PRKG1: variants seen among roughly 807,000 people sequenced by gnomAD.
PRKG1 encodes cGMP-dependent protein kinase 1.
PRKG1 carries 35 observed loss-of-function variants against 88.1 expected under a neutral mutation model. The ratio of observed to expected loss-of-function variants is 0.40; its 90% CI spans 0.30 to 0.53. PRKG1 has a LOEUF of 0.53. PRKG1 is among the 20% of genes least tolerant of loss of function. PRKG1 has a pLI of 0.59. For missense variants in PRKG1, 540 were observed against 839.8 expected, an observed-to-expected ratio of 0.64 and a Z score of 4.41; for synonymous variants, 303 against 292.5, an observed-to-expected ratio of 1.04 and a Z score of -0.37.
At chr10:51,484,313 A>G (rs1482455555) in intron 3 of PRKG1, among the ~76,000 whole-genome samples, 1 of 152,182 alleles carries the variant, frequency 6.6e-6, no homozygotes, top group East Asian at 1.9e-4. Context: ...ACTAAAGGCC[A>G]TCGACTTTCT....
intron 3 of PRKG1, among the ~76,000 whole-genome samples, chr10:51,533,657 TTCC>T (rs1284555056): frequency 5.3e-5 from 8 of 151,432 alleles, no homozygotes; most frequent in Admixed American, 2.6e-4. Context: ...CATTTACCAC[TTCC>T]TCAAACAAAC....
chr10:51,572,858 ACT>A (rs1477240935), intron 3 of PRKG1, among the ~76,000 whole-genome samples: 1 of 151,600 alleles, frequency 6.6e-6, no homozygotes, highest in East Asian at 1.9e-4. Context: ...TCAAAGTTTT[ACT>A]CTTTAGAATT....
chr10:51,500,362 C>A (rs1840987603), intron 3 of PRKG1, among the ~76,000 whole-genome samples: 1 of 152,162 alleles, frequency 6.6e-6, no homozygotes, highest in African/African-American at 2.4e-5. Flanking sequence ...TTAAAATCTC[C>A]TGCTACCACC....
intron 8 of PRKG1, among the ~76,000 whole-genome samples, chr10:52,144,855 C>G (rs1837689263): frequency 6.6e-6 from 1 of 151,792 alleles, no homozygotes; most frequent in Admixed American, 6.6e-5. Flanking sequence ...AAACTTTAGT[C>G]TAAAGTAGAT....
intron 4 of PRKG1, among the ~76,000 whole-genome samples, chr10:51,811,169 G>A (rs770898569): frequency 6.6e-5 from 10 of 152,102 alleles, no homozygotes; most frequent in Non-Finnish European, 1.5e-4. Flanking sequence ...TTTGTTTTCT[G>A]ATGGCAGCTC....
chr10:51,026,531 C>T (rs1688490916), intron 1 of PRKG1, among the ~76,000 whole-genome samples: 1 of 152,178 alleles, frequency 6.6e-6, no homozygotes, highest in African/African-American at 2.4e-5. Context: ...TGCCAATCAG[C>T]CATCCTAGTT....
intron 3 of PRKG1, among the ~76,000 whole-genome samples, chr10:51,593,052 C>G (rs921597962): frequency 6.6e-6 from 1 of 152,136 alleles, no homozygotes; most frequent in African/African-American, 2.4e-5. Flanking sequence ...ATCAGATTAG[C>G]GTTTTGTACT....
intron 2 of PRKG1, among the ~76,000 whole-genome samples, chr10:51,307,710 G>A (rs1302507836): frequency 6.6e-6 from 1 of 151,984 alleles, no homozygotes; most frequent in Admixed American, 6.6e-5. Context: ...TAGCTCTGAT[G>A]AACATAAAAC....
intron 3 of PRKG1, among the ~76,000 whole-genome samples, chr10:51,743,725 TA>T (rs1197199617): frequency 0.064 from 3,296 of 51,856 alleles, 162 homozygotes; most frequent in Middle Eastern, 0.1. Context: ...TATATATATA[TA>T]ATATAAACTA....
intron 4 of PRKG1, among the ~76,000 whole-genome samples, chr10:51,809,621 G>A (rs12248420): frequency 0.14 from 21,755 of 152,076 alleles, 2,113 homozygotes; most frequent in African/African-American, 0.28. Flanking sequence ...GACAATGATA[G>A]TGGTGGACCC....
intron 3 of PRKG1, chr10:51,697,973 CCTCCTTGTATGCCTG>C (rs1266837995): frequency 6.2e-7 from 1 of 1,604,364 alleles, no homozygotes; most frequent in Non-Finnish European, 8.5e-7. Flanking sequence ...CTGCATCCCT[CCTCCTTGTATGCCTG>C]CTCCCTGCAT....
intron 7 of PRKG1, among the ~76,000 whole-genome samples, chr10:52,113,943 T>C (rs1847627111): frequency 6.6e-6 from 1 of 152,142 alleles, no homozygotes; most frequent in Non-Finnish European, 1.5e-5. Flanking sequence ...TAATTAGCTT[T>C]AGTGTAGATT....
At chr10:51,704,048 G>A (rs1841539131) in intron 3 of PRKG1, among the ~76,000 whole-genome samples, 1 of 151,106 alleles carries the variant, frequency 6.6e-6, no homozygotes, top group South Asian at 2.1e-4. Context: ...GGAGGCCAAG[G>A]TTTGAGGATT....
At chr10:51,168,785 G>C (rs1046098070) in intron 2 of PRKG1, among the ~76,000 whole-genome samples, 13 of 152,292 alleles carry the variant, frequency 8.5e-5, no homozygotes, top group African/African-American at 3.1e-4. Context: ...ATTAGAAGCA[G>C]AAAAATTTCT....
At chr10:51,780,504 C>T (rs978906358) in intron 3 of PRKG1, among the ~76,000 whole-genome samples, 16 of 152,226 alleles carry the variant, frequency 1.1e-4, no homozygotes, top group African/African-American at 3.4e-4. Context: ...AAAATACATG[C>T]TCATGTACAT....
chr10:51,909,500 T>TA, intron 5 of PRKG1: 1 of 151,830 alleles, frequency 6.6e-6, no homozygotes, highest in African/African-American at 2.4e-5. Flanking sequence ...TACGAAGACA[T>TA]ATGAGCACAA....
At chr10:51,886,921 T>C (rs1035363872) in intron 4 of PRKG1, among the ~76,000 whole-genome samples, 2 of 152,148 alleles carry the variant, frequency 1.3e-5, no homozygotes, top group Admixed American at 6.5e-5. Context: ...GTATTTTCCA[T>C]CTGTATTTTG....
chr10:51,537,748 A>AAG (rs1554819689), intron 3 of PRKG1, among the ~76,000 whole-genome samples: 1 of 150,878 alleles, frequency 6.6e-6, no homozygotes, highest in South Asian at 2.1e-4. Flanking sequence ...AAAAAAAAAA[A>AAG]TTACTCGGGG....
At chr10:51,171,916 T>C (rs1837036075) in intron 2 of PRKG1, among the ~76,000 whole-genome samples, 1 of 152,124 alleles carries the variant, frequency 6.6e-6, no homozygotes, top group Non-Finnish European at 1.5e-5. Context: ...TTTCCTCCTG[T>C]GTACTTCTGA....
Sources: gnomAD v4.1 joint callset for allele counts (sites outside exome capture counted in the v4.1 genomes callset) on GRCh38, gnomAD v4.1.1 for gene constraint, MANE v1.5 for transcripts, NCBI Gene and HGNC (gene_info 2026-07-23, HGNC 2026-07-21) for gene names.